The following KCNC1 variants were observed in gnomAD, a reference collection of about 807,000 sequenced individuals.
KCNC1 encodes voltage-gated potassium channel KCNC1.
In KCNC1, 8 loss-of-function variants were observed where a neutral mutation model predicts 43.4. That is an observed-to-expected ratio of 0.18 (90% CI 0.11 to 0.33). The LOEUF (loss-of-function observed/expected upper bound fraction) is 0.33, where lower values mean the gene tolerates loss of function less well. KCNC1 is among the 10% of genes least tolerant of loss of function. The pLI, the probability that KCNC1 is intolerant of heterozygous loss-of-function variation, is 1.00. For missense variants in KCNC1, 420 were observed against 836.0 expected (o/e 0.50, Z 6.14); for synonymous variants, 361 against 360.5 (o/e 1.00, Z -0.01).
rs779510624 is a variant in KCNC1 at position 17,779,595 on chromosome 11, C to G, written c.1644C>G (p.Leu548=). The change falls in exon 3 of 4, where the codon CTC becomes CTG. Residue 548 remains leucine, a synonymous_variant. Coordinates refer to ENST00000265969, the MANE Select transcript of KCNC1 (RefSeq NM_001112741.2). The surrounding 1 kb of genome is among the most constrained non-coding windows in gnomAD (Gnocchi z 7.2). ...GTRERYGPCF[L]LSTGEYACPP... Reference sequence around the variant, plus strand: ...GCGAGAGATACGGACCCTGCTTCCTCTTATCAACCGGGGAGTACGCGTGCC... The same window carrying G: ...GCGAGAGATACGGACCCTGCTTCCTGTTATCAACCGGGGAGTACGCGTGCC... 2 of 1,551,450 alleles carry G rather than the reference C, an allele frequency of 1.3e-6. No individual in the cohort carries two copies. Among genetic ancestry groups the G allele is most frequent in the South Asian group, 1.2e-5 (1 of 84,042 alleles).
At chr11:17,753,009 C>T (rs1465396122) in intron 1 of KCNC1, among the ~76,000 whole-genome samples, 1 of 152,220 alleles carries the variant, frequency 6.6e-6, no homozygotes. Flanking sequence ...TGAATGAAAG[C>T]TGCATAGATG....
chr11:17,744,084 G>A (rs1848872028), intron 1 of KCNC1, among the ~76,000 whole-genome samples: 1 of 152,182 alleles, frequency 6.6e-6, no homozygotes, highest in South Asian at 2.1e-4. Context: ...ACCTGGATTA[G>A]AGAGGAATCT....
At chr11:17,741,230 C>G (rs1281741376) in intron 1 of KCNC1, among the ~76,000 whole-genome samples, 1 of 133,736 alleles carries the variant, frequency 7.5e-6, no homozygotes, top group Non-Finnish European at 1.6e-5. Context: ...CCACCCCCCT[C>G]CCAGTAATGA....
chr11:17,774,509 C>T (rs545501787), intron 2 of KCNC1: 34 of 985,558 alleles, frequency 3.4e-5, no homozygotes, highest in African/African-American at 2.6e-4. Context: ...TTATCCTGTG[C>T]GGAGTCCCCC....
rs936543897 is a variant in KCNC1 at position 17,776,170 on chromosome 11, C to T, written c.1505-3286C>T. On this transcript the variant is annotated intron_variant, in intron 2 of 3. Transcript: ENST00000265969. The surrounding 1 kb of genome is among the most constrained non-coding windows in gnomAD (Gnocchi z 4.4). ...GGGGCCAGGCATGGGTGTTCTTTTC[C>T]GTGTTGTTCACATTTTCTCTCTTTC... 17 of 985,274 alleles carry T rather than the reference C, an allele frequency of 1.7e-5. No individual in the cohort carries two copies. The highest frequency in any genetic ancestry group is 2.0e-5 in the Non-Finnish European group (17 of 829,954). 61.0% of individuals were successfully genotyped at this position (985,274 alleles called of 1,614,324 possible). A position where few individuals can be genotyped will look rare whatever the true frequency, so the allele number is the denominator to read the frequency against.
Position 17,739,160 on chromosome 11 carries a change from C to T in KCNC1, c.570+2588C>T, listed in dbSNP as rs1212442961. ...CTGCTGTCACCTTTGTTTACCCCTC[C>T]CCCACACGGGGCCCCGAGACTCCTC... On this transcript the variant is annotated intron_variant, in intron 1 of 3. Transcript: ENST00000265969. This position sits in a 1 kb window ranked among gnomAD's most constrained non-coding sequence, Gnocchi z 4.2. Among the ~76,000 whole-genome samples, 4 of 152,208 alleles carry T rather than the reference C, an allele frequency of 2.6e-5. No individual in the cohort carries two copies. The highest frequency in any genetic ancestry group is 5.9e-5 in the Non-Finnish European group (4 of 68,042).
intron 2 of KCNC1, 70 bp downstream of exon 2, chr11:17,772,668 C>T (rs1452430115): frequency 6.4e-7 from 1 of 1,566,058 alleles, no homozygotes; most frequent in Non-Finnish European, 8.6e-7. Flanking sequence ...GATTCCAGAT[C>T]CAGTCAGACT....
chr11:17,758,997 A>T (rs1849048941), intron 1 of KCNC1, among the ~76,000 whole-genome samples: 1 of 152,248 alleles, frequency 6.6e-6, no homozygotes, highest in African/African-American at 2.4e-5. Context: ...CTAGCTATGA[A>T]AACCCTCAAT....
intron 1 of KCNC1, among the ~76,000 whole-genome samples, chr11:17,743,713 C>T (rs1031654486): frequency 1.3e-5 from 2 of 152,198 alleles, no homozygotes; most frequent in African/African-American, 2.4e-5. Flanking sequence ...ACAGCTCCTG[C>T]GGCTCCCTTC....
intron 2 of KCNC1, among the ~76,000 whole-genome samples, chr11:17,778,407 C>A (rs1414689199): frequency 6.6e-6 from 1 of 152,252 alleles, no homozygotes; most frequent in Non-Finnish European, 1.5e-5. Flanking sequence ...TTGTCTTCTA[C>A]ACATTCATCT....
rs531563186 is a variant in KCNC1, at chr11:17,779,608, G to T, written c.1657G>T (p.Glu553Ter). ...YGPCFLLSTG[E>*]YACPPGGGMR... Reference sequence around the variant, plus strand: ...ACCCTGCTTCCTCTTATCAACCGGGGAGTACGCGTGCCCACCTGGTGGAGG... The same window carrying T: ...ACCCTGCTTCCTCTTATCAACCGGGTAGTACGCGTGCCCACCTGGTGGAGG... The change falls in exon 3 of 4, where the codon GAG (glutamate) becomes TAG (stop). Residue 553 changes from glutamate (E) to a stop codon, truncating the protein, a stop_gained. Transcript: ENST00000265969. LOFTEE classifies it high-confidence loss of function. The surrounding 1 kb of genome is among the most constrained non-coding windows in gnomAD (Gnocchi z 7.2). 1 of 1,550,646 alleles carries T rather than the reference G, an allele frequency of 6.4e-7. No homozygotes were observed. The highest frequency in any genetic ancestry group is 8.7e-7 in the Non-Finnish European group (1 of 1,146,706).
At chr11:17,743,046 C>A (rs1848859798) in intron 1 of KCNC1, among the ~76,000 whole-genome samples, 1 of 152,188 alleles carries the variant, frequency 6.6e-6, no homozygotes, top group South Asian at 2.1e-4. Context: ...TTTCCAGAAC[C>A]CCCTTCCTTT....
chr11:17,774,414 C>G (rs1365158393), intron 2 of KCNC1: 1 of 985,480 alleles, frequency 1.0e-6, no homozygotes, highest in East Asian at 1.1e-4. Context: ...GCCCCAAGCA[C>G]AGGTGCCCTG....
At position 17,739,482 on chromosome 11, in the gene KCNC1, A is replaced by G. The variant is rs1288323065; in HGVS notation, c.570+2910A>G. ...GAGAGAGGCGGATTCTGTGTTTTGG[A>G]TGGACTGTGCGTGTGTGAGAATGAG... On this transcript the variant is annotated intron_variant, in intron 1 of 3. Transcript: ENST00000265969. This position sits in a 1 kb window ranked among gnomAD's most constrained non-coding sequence, Gnocchi z 4.2. Among the ~76,000 whole-genome samples the G allele has an allele frequency of 6.6e-6, 1 of 150,394 alleles. No homozygotes were observed. The highest frequency in any genetic ancestry group is 1.5e-5 in the Non-Finnish European group (1 of 67,808).
Position 17,735,436 on chromosome 11 carries a change from G to C in KCNC1, c.-567G>C, listed in dbSNP as rs1461354375. 2.6e-5 allele frequency: 4 copies of C among 152,050 alleles called. No individual in the cohort carries two copies. The highest frequency in any genetic ancestry group is 5.9e-5 in the Non-Finnish European group (4 of 68,022). The allele number at this position is 152,050 out of a possible 1,614,324, so 9.4% of individuals were successfully genotyped here. A position where few individuals can be genotyped will look rare whatever the true frequency, so the allele number is the denominator to read the frequency against. On this transcript the variant is annotated 5_prime_UTR_variant, in exon 1 of 4. Coordinates refer to ENST00000265969, the MANE Select transcript of KCNC1 (RefSeq NM_001112741.2). The surrounding 1 kb of genome is among the most constrained non-coding windows in gnomAD (Gnocchi z 6.7). The stretch of plus-strand genomic sequence containing the variant: ...GGCATCCATCTCCCCCGCGCCGAGA[G>C]CGCGCCGCGGCGACCACCTCACAGA...
chr11:17,745,379 A>G (rs1423024931), intron 1 of KCNC1, among the ~76,000 whole-genome samples: 1 of 152,122 alleles, frequency 6.6e-6, no homozygotes, highest in Non-Finnish European at 1.5e-5. Flanking sequence ...TCAGACATCA[A>G]CCAACCCTGT....
At chr11:17,769,628 G>A (rs1236714354) in intron 1 of KCNC1, among the ~76,000 whole-genome samples, 1 of 151,968 alleles carries the variant, frequency 6.6e-6, no homozygotes, top group Non-Finnish European at 1.5e-5. Context: ...GCTTACCTGA[G>A]GCCAGGAGTT....
chr11:17,740,602 G>C (rs768736952), intron 1 of KCNC1, among the ~76,000 whole-genome samples: 3 of 152,132 alleles, frequency 2.0e-5, no homozygotes, highest in Non-Finnish European at 2.9e-5. Flanking sequence ...CGTCCCATCA[G>C]GGCCAATGGT....
At position 17,781,188 on chromosome 11, in the gene KCNC1, C is replaced by CA; in HGVS notation, c.1694-481dup. On this transcript the variant is annotated intron_variant, in intron 3 of 3. Transcript: ENST00000265969. The surrounding 1 kb of genome is among the most constrained non-coding windows in gnomAD (Gnocchi z 5.1). ...TCTCTTTACTGTGGTGCCAGAAGCACAGAAGGGAGTGTGGGACAGGAACAG... is the reference window on the plus strand; with the variant it reads ...TCTCTTTACTGTGGTGCCAGAAGCACAAGAAGGGAGTGTGGGACAGGAACAG... 6.5e-6 allele frequency: 1 copy of CA among 153,634 alleles called. No homozygotes were observed. The highest frequency in any genetic ancestry group is 1.4e-5 in the Non-Finnish European group (1 of 69,026). The allele number at this position is 153,634 out of a possible 1,614,324, so 9.5% of individuals were successfully genotyped here.
Sources: gnomAD v4.1 joint callset for allele counts (sites outside exome capture counted in the v4.1 genomes callset) on GRCh38, gnomAD v4.1.1 for gene constraint, Gnocchi (gnomAD v3.1) non-coding constraint, MANE v1.5 for transcripts, NCBI Gene and HGNC (gene_info 2026-07-23, HGNC 2026-07-21) for gene names.